Variants in MARVELD2 observed in about 807,000 individuals in gnomAD.
MARVELD2 encodes the protein MARVEL domain containing 2.
In MARVELD2, 49 loss-of-function variants were observed where a neutral mutation model predicts 57.6. The observed-to-expected ratio is 0.85, with a 90% confidence interval of 0.68 to 1.08. MARVELD2 has a LOEUF of 1.08. Ranked by LOEUF, MARVELD2 falls within the 50% of genes least tolerant of loss-of-function variation. MARVELD2 has a pLI of 0.00. For synonymous variants in MARVELD2, 238 were observed against 258.8 expected (o/e 0.92, Z 0.77); for missense variants, 606 against 701.1 (o/e 0.86, Z 1.53).
rs538116711 is a variant in MARVELD2, at chr5:69,440,878, T to G, written c.1554+378T>G. 6.6e-5 allele frequency among the ~76,000 whole-genome samples: 10 copies of G among 151,774 alleles called. No homozygotes were observed. In the East Asian group the frequency reaches 1.9e-3, roughly 29 times the overall value. On this transcript the variant is annotated intron_variant, in intron 6 of 6. Coordinates refer to ENST00000325631, the MANE Select transcript of MARVELD2 (RefSeq NM_001038603.3). ...CGAGTGGAACGCTTGAGCCCAGGAG[T>G]TTGAGACCAGCCTGGGCAACATGGC...
At chr5:69,424,685 T>C (rs748082366) in intron 3 of MARVELD2, 49 bp downstream of exon 3, 1 of 1,403,122 alleles carries the variant, frequency 7.1e-7, no homozygotes, top group Non-Finnish European at 1.0e-6. Flanking sequence ...GTTAATACTT[T>C]TCTCTTAGGT....
At position 69,420,341 on chromosome 5, in the gene MARVELD2, G is replaced by A. The variant is rs1766584687; in HGVS notation, c.956G>A (p.Gly319Asp). The change falls in exon 2 of 7, where the codon GGC becomes GAC. Residue 319 changes from glycine (G) to aspartate (D), a missense_variant. Transcript: ENST00000325631. ...TATGTGAATGATACCAACCGAGGTG[G>A]CCTCTGCTACTATCCGTTATTTAAT... ...IVYVNDTNRG[G>D]LCYYPLFNTP... 1.2e-6 allele frequency: 2 copies of A among 1,614,162 alleles called. No individual in the cohort carries two copies. Among genetic ancestry groups the A allele is most frequent in the Non-Finnish European group, 1.7e-6 (2 of 1,180,038 alleles).
chr5:69,444,173 G>A lies in MARVELD2; in HGVS notation c.*2519G>A, dbSNP rs971440495. On this transcript the variant is annotated 3_prime_UTR_variant, in exon 7 of 7. Coordinates refer to ENST00000325631, the MANE Select transcript of MARVELD2 (RefSeq NM_001038603.3). ...GCAGTAACACTGATTTGTAAATGTT[G>A]TGGTCAATCCCTAGGTGCATTAAAG... is the stretch of plus-strand genomic sequence containing the variant. 1.3e-5 allele frequency: 2 copies of A among 152,008 alleles called. No individual in the cohort carries two copies. The highest frequency in any genetic ancestry group is 2.9e-5 in the Non-Finnish European group (2 of 68,010). The allele number at this position is 152,008 out of a possible 1,614,324, so 9.4% of individuals were successfully genotyped here.
At chr5:69,417,675 G>A (rs1766471865) in intron 1 of MARVELD2, among the ~76,000 whole-genome samples, 1 of 152,116 alleles carries the variant, frequency 6.6e-6, no homozygotes, top group African/African-American at 2.4e-5. Context: ...CGAGCGTGGT[G>A]GCTCACACCT....
intron 5 of MARVELD2, among the ~76,000 whole-genome samples, chr5:69,436,292 C>T (rs1010351849): frequency 2.0e-5 from 3 of 151,416 alleles, no homozygotes; most frequent in Admixed American, 2.0e-4. Flanking sequence ...ACCCGGGAGG[C>T]GGAGGTTGCA....
At chr5:69,426,524 A>T (rs1035020484) in intron 3 of MARVELD2, among the ~76,000 whole-genome samples, 2 of 151,516 alleles carry the variant, frequency 1.3e-5, no homozygotes, top group African/African-American at 4.8e-5. Context: ...TAGTAGAGAC[A>T]GGGTTTCACC....
chr5:69,420,627 G>A (rs1766599971), intron 2 of MARVELD2, 96 bp downstream of exon 2: 6 of 1,195,228 alleles, frequency 5.0e-6, no homozygotes, highest in Non-Finnish European at 7.1e-6. Context: ...AAAACAGAAA[G>A]CTTTCATAGA....
Position 69,419,663 on chromosome 5 carries a change from A to G in MARVELD2, c.278A>G (p.Lys93Arg). ...TCCTGGAAGAACTTTTTCAGAGGGAAGAAAAAGGACCCCGAATGGGATAAG... is the reference window on the plus strand; with the variant it reads ...TCCTGGAAGAACTTTTTCAGAGGGAGGAAAAAGGACCCCGAATGGGATAAG... ...PDSWKNFFRGKKKDPEWDKPV... is the reference protein window; with the variant it reads ...PDSWKNFFRGRKKDPEWDKPV... The change falls in exon 2 of 7, where the codon AAG becomes AGG. Residue 93 changes from lysine to arginine, a missense_variant. Physicochemically the swap from Lys to Arg is conservative, Grantham distance 26 (BLOSUM62 2). Coordinates refer to ENST00000325631, the MANE Select transcript of MARVELD2 (RefSeq NM_001038603.3). The G allele has an allele frequency of 6.2e-7, 1 of 1,614,166 alleles. No individual in the cohort carries two copies. Among genetic ancestry groups the G allele is most frequent in the Non-Finnish European group, 8.5e-7 (1 of 1,180,036 alleles).
At chr5:69,427,474 G>A (rs1053283899) in intron 3 of MARVELD2, among the ~76,000 whole-genome samples, 4 of 151,418 alleles carry the variant, frequency 2.6e-5, no homozygotes, top group South Asian at 4.2e-4. Context: ...GCTGTGGCAC[G>A]ATCTCGGCTC....
rs191679353 is a variant in MARVELD2, at chr5:69,433,353, C to T, written c.1503+260C>T. On this transcript the variant is annotated intron_variant, in intron 5 of 6. Coordinates refer to ENST00000325631, the MANE Select transcript of MARVELD2 (RefSeq NM_001038603.3). ...AATTTTTTTCTATTTTTAGTGGAGACGCGGTTTTGCCATGTTGGCCAAGAG... is the reference window on the plus strand; with the variant it reads ...AATTTTTTTCTATTTTTAGTGGAGATGCGGTTTTGCCATGTTGGCCAAGAG... 2.0e-4 allele frequency among the ~76,000 whole-genome samples: 30 copies of T among 150,778 alleles called. 1 individual carries two copies. In the South Asian group the frequency reaches 4.0e-3, roughly 20 times the overall value.
chr5:69,420,544 A>G lies in MARVELD2; in HGVS notation c.1146+13A>G. On this transcript the variant is annotated intron_variant, in intron 2 of 6. Coordinates refer to ENST00000325631, the MANE Select transcript of MARVELD2 (RefSeq NM_001038603.3). ...GGAACAACAGGAGGTAAGTGATTTC[A>G]TAATCCCTCATTTGTGTGTGTATGT... 6.2e-7 allele frequency: 1 copy of G among 1,604,810 alleles called. No individual in the cohort carries two copies. The highest frequency in any genetic ancestry group is 1.1e-5 in the South Asian group (1 of 91,032).
At chr5:69,430,765 A>G (rs1766938231) in intron 3 of MARVELD2, among the ~76,000 whole-genome samples, 1 of 150,710 alleles carries the variant, frequency 6.6e-6, no homozygotes, top group South Asian at 2.1e-4. Flanking sequence ...AACTCCTGAC[A>G]TTAAATGATC....
intron 5 of MARVELD2, among the ~76,000 whole-genome samples, chr5:69,439,309 C>T (rs1223732296): frequency 2.6e-5 from 4 of 151,638 alleles, no homozygotes; most frequent in Non-Finnish European, 4.4e-5. Context: ...TACAGGTGCC[C>T]GCCACCATGC....
At chr5:69,435,752 CAAAAA>C (rs35281029) in intron 5 of MARVELD2, among the ~76,000 whole-genome samples, 1 of 64,788 alleles carries the variant, frequency 1.5e-5, no homozygotes, top group Non-Finnish European at 2.7e-5. Flanking sequence ...GACCCTGTCT[CAAAAA>C]AAAAAAAAAA....
rs1288666253 is a variant in MARVELD2, at chr5:69,415,143, G to C, written c.-43G>C. The C allele has an allele frequency of 1.3e-5, 2 of 152,306 alleles. No individual in the cohort carries two copies. The highest frequency in any genetic ancestry group is 1.3e-4 in the Admixed American group (2 of 15,292). 9.4% of individuals were successfully genotyped at this position (152,306 alleles called of 1,614,324 possible). A position where few individuals can be genotyped will look rare whatever the true frequency, so the allele number is the denominator to read the frequency against. On this transcript the variant is annotated 5_prime_UTR_variant, in exon 1 of 7. Transcript: ENST00000325631. ...TACCGGTTTCAGAGTCCTGGGCAGC[G>C]TGCGCGCTCTTCCTGGCGGCTGCGC...
At chr5:69,430,699 A>G (rs948202905) in intron 3 of MARVELD2, among the ~76,000 whole-genome samples, 1 of 149,976 alleles carries the variant, frequency 6.7e-6, no homozygotes, top group Non-Finnish European at 1.5e-5. Context: ...ACATCCGGCT[A>G]ATTTTTGTAT....
At chr5:69,418,939 T>G (rs549276083) in intron 1 of MARVELD2, 1 of 160,568 alleles carries the variant, frequency 6.2e-6, no homozygotes, top group South Asian at 2.0e-4. Context: ...TTTTTTTCTT[T>G]TTTTTAGAGA....
At chr5:69,426,955 G>T (rs1025292443) in intron 3 of MARVELD2, among the ~76,000 whole-genome samples, 4 of 151,938 alleles carry the variant, frequency 2.6e-5, no homozygotes, top group African/African-American at 9.7e-5. Flanking sequence ...ACCTCACCCA[G>T]CCAGCAAGTG....
In MARVELD2 at chr5:69,420,412, G is replaced by C; in HGVS notation, c.1027G>C (p.Ala343Pro). The C allele has an allele frequency of 6.2e-7, 1 of 1,613,956 alleles. No homozygotes were observed. The highest frequency in any genetic ancestry group is 8.5e-7 in the Non-Finnish European group (1 of 1,180,028). The change falls in exon 2 of 7, where the codon GCT becomes CCT. Residue 343 changes from alanine (A) to proline (P), a missense_variant. Physicochemically the swap from Ala to Pro is conservative, Grantham distance 27. Transcript: ENST00000325631. ...VFCRVEGGQI[A>P]AMIFLFVTMI... is the part of the protein sequence containing the mutation. ...CTGCCGGGTAGAAGGAGGACAGATA[G>C]CTGCAATGATCTTCCTGTTTGTCAC... is the stretch of plus-strand genomic sequence containing the variant.
Sources: gnomAD v4.1 joint callset for allele counts (sites outside exome capture counted in the v4.1 genomes callset) on GRCh38, gnomAD v4.1.1 for gene constraint, MANE v1.5 for transcripts, NCBI Gene and HGNC (gene_info 2026-07-23, HGNC 2026-07-21) for gene names.